The following SLMAP variants were observed in gnomAD, a reference collection of about 807,000 sequenced individuals.
SLMAP encodes the protein sarcolemmal membrane-associated protein.
In SLMAP, 44 loss-of-function variants were observed where a neutral mutation model predicts 128.8. That is an observed-to-expected ratio of 0.34 (90% CI 0.27 to 0.44). The LOEUF (loss-of-function observed/expected upper bound fraction) is 0.44, where lower values mean the gene tolerates loss of function less well. SLMAP is among the 20% of genes least tolerant of loss of function. The probability of loss-of-function intolerance (pLI) is 1.00; values close to 1 mark genes in which losing one functional copy is unlikely to be tolerated. For synonymous variants in SLMAP, 327 were observed against 348.8 expected (o/e 0.94, Z 0.70); for missense variants, 787 against 985.3 (o/e 0.80, Z 2.69).
intron 22 of SLMAP, among the ~76,000 whole-genome samples, chr3:57,922,385 A>G (rs115700924): frequency 0.012 from 1,869 of 151,956 alleles, 28 homozygotes; most frequent in African/African-American, 0.043. Flanking sequence ...CCAGGGCCAG[A>G]AAATTCTTAC....
chr3:57,917,145 A>G (rs1576381037), intron 22 of SLMAP, 68 bp downstream of exon 22: 1 of 1,603,250 alleles, frequency 6.2e-7, no homozygotes, highest in Non-Finnish European at 8.5e-7. Context: ...TCGGATATCC[A>G]TGCTAGTTAG....
chr3:57,824,580 G>A (rs1233476502), intron 2 of SLMAP, among the ~76,000 whole-genome samples: 1 of 152,082 alleles, frequency 6.6e-6, no homozygotes, highest in East Asian at 1.9e-4. Context: ...TTTATTTCTG[G>A]ACTCTAGGTT....
chr3:57,799,795 T>G (rs2087753614), intron 2 of SLMAP, among the ~76,000 whole-genome samples: 1 of 152,198 alleles, frequency 6.6e-6, no homozygotes, highest in Non-Finnish European at 1.5e-5. Context: ...TACAAACATA[T>G]TCGCGAGCTT....
chr3:57,857,574 C>A (rs2094855830), intron 6 of SLMAP, among the ~76,000 whole-genome samples, 159 bp from the exon 7 acceptor site: 1 of 152,168 alleles, frequency 6.6e-6, no homozygotes, highest in Non-Finnish European at 1.5e-5. Flanking sequence ...TAAGCGGGGA[C>A]TGCTGTATGT....
intron 2 of SLMAP, among the ~76,000 whole-genome samples, chr3:57,808,095 G>A (rs111962238): frequency 0.14 from 20,998 of 151,964 alleles, 1,522 homozygotes; most frequent in South Asian, 0.21. Flanking sequence ...GTATTTCTGT[G>A]GGGTCAGTGG....
intron 2 of SLMAP, among the ~76,000 whole-genome samples, chr3:57,782,230 T>A (rs1215492697): frequency 1.3e-5 from 2 of 152,188 alleles, no homozygotes; most frequent in African/African-American, 4.8e-5. Context: ...TCAGTTAAAT[T>A]CCCCAAATCT....
intron 2 of SLMAP, among the ~76,000 whole-genome samples, chr3:57,788,540 G>A (rs2084742267): frequency 6.6e-6 from 1 of 152,164 alleles, no homozygotes; most frequent in Non-Finnish European, 1.5e-5. Context: ...TTTGTATATC[G>A]CTAGAAAAGT....
intron 2 of SLMAP, among the ~76,000 whole-genome samples, chr3:57,828,113 A>G (rs2093054921): frequency 6.6e-6 from 1 of 152,128 alleles, no homozygotes; most frequent in Non-Finnish European, 1.5e-5. Context: ...GTGCACCACC[A>G]TGCCCAGCTA....
intron 14 of SLMAP, among the ~76,000 whole-genome samples, chr3:57,874,243 A>G (rs988773502): frequency 2.0e-5 from 3 of 152,098 alleles, no homozygotes; most frequent in Non-Finnish European, 4.4e-5. Flanking sequence ...AGTGAGCTAT[A>G]GTTGTGCCAC....
chr3:57,885,052 A>T (rs1023267204), intron 14 of SLMAP, among the ~76,000 whole-genome samples: 3 of 151,990 alleles, frequency 2.0e-5, no homozygotes, highest in Non-Finnish European at 4.4e-5. Flanking sequence ...AAGAAATAGG[A>T]AAAAGGTAAG....
At chr3:57,902,594 G>T (rs2096415584) in intron 17 of SLMAP, among the ~76,000 whole-genome samples, 1 of 152,260 alleles carries the variant, frequency 6.6e-6, no homozygotes, top group African/African-American at 2.4e-5. Context: ...GGTAATTACT[G>T]TGGAAATTTC....
intron 4 of SLMAP, among the ~76,000 whole-genome samples, chr3:57,846,818 C>G (rs1207257396): frequency 6.6e-6 from 1 of 152,082 alleles, no homozygotes; most frequent in African/African-American, 2.4e-5. Context: ...CTCAGCCTCC[C>G]AAAGTGCTGG....
chr3:57,921,780 A>G (rs533896288), intron 22 of SLMAP, among the ~76,000 whole-genome samples: 20 of 152,246 alleles, frequency 1.3e-4, no homozygotes, highest in African/African-American at 4.6e-4. Context: ...ACATCAGCTC[A>G]CTGCAACTTC....
Position 57,847,206 on chromosome 3 carries a change from T to C in SLMAP, c.429T>C (p.His143=). 1.2e-6 allele frequency: 2 copies of C among 1,606,606 alleles called. No homozygotes were observed. Among genetic ancestry groups the C allele is most frequent in the Non-Finnish European group, 1.7e-6 (2 of 1,175,320 alleles). Residue 143 remains histidine, a synonymous_variant, in exon 5 of 25, where the codon CAT becomes CAC. Coordinates refer to ENST00000671191, the MANE Select transcript of SLMAP (RefSeq NM_001377540.1). Reference sequence around the variant, plus strand: ...AAATTTTACTTTTCAGTGTCATCCATGCACCATTACCAAGTCCTGTTGACA... The same window carrying C: ...AAATTTTACTTTTCAGTGTCATCCACGCACCATTACCAAGTCCTGTTGACA... ...MEARLRSDVI[H]APLPSPVDKV...
intron 2 of SLMAP, among the ~76,000 whole-genome samples, chr3:57,792,890 C>T (rs887981208): frequency 1.3e-5 from 2 of 152,114 alleles, no homozygotes; most frequent in Admixed American, 1.3e-4. Context: ...GTAATCCCAG[C>T]ACTTTGAGAG....
intron 14 of SLMAP, among the ~76,000 whole-genome samples, chr3:57,873,031 A>G (rs1005045092): frequency 6.6e-6 from 1 of 152,202 alleles, no homozygotes; most frequent in African/African-American, 2.4e-5. Flanking sequence ...AACAGACACA[A>G]ATTCAACAAA....
chr3:57,787,321 CTACTT>C (rs1424743325), intron 2 of SLMAP, among the ~76,000 whole-genome samples: 1 of 152,090 alleles, frequency 6.6e-6, no homozygotes, highest in Non-Finnish European at 1.5e-5. Context: ...TCTCTTCAAT[CTACTT>C]TATGTTACCC....
intron 2 of SLMAP, among the ~76,000 whole-genome samples, chr3:57,815,636 T>A (rs752177656): frequency 4.3e-4 from 65 of 152,216 alleles, no homozygotes; most frequent in Non-Finnish European, 1.2e-4. Context: ...TCTATTTATA[T>A]CTTTTGGTTT....
intron 2 of SLMAP, among the ~76,000 whole-genome samples, chr3:57,766,645 C>T (rs999916141): frequency 6.6e-6 from 1 of 152,090 alleles, no homozygotes; most frequent in Non-Finnish European, 1.5e-5. Context: ...AAATCTATAT[C>T]TTATTTTCTT....
Sources: gnomAD v4.1 joint callset for allele counts (sites outside exome capture counted in the v4.1 genomes callset) on GRCh38, gnomAD v4.1.1 for gene constraint, MANE v1.5 for transcripts, NCBI Gene and HGNC (gene_info 2026-07-23, HGNC 2026-07-21) for gene names.